DEFB107A: variants seen among roughly 807,000 people sequenced by gnomAD.
DEFB107A encodes beta-defensin 107.
intron 1 of DEFB107A, among the ~76,000 whole-genome samples, chr8:7,814,852 C>A (rs1817176260): frequency 1.6e-5 from 1 of 61,516 alleles, no homozygotes; most frequent in Non-Finnish European, 3.0e-5. Flanking sequence ...TTAATTTAGA[C>A]TACAAAGGCT....
chr8:7,815,128 G>C (rs1817185235), intron 1 of DEFB107A, among the ~76,000 whole-genome samples: 1 of 60,996 alleles, frequency 1.6e-5, no homozygotes, highest in Non-Finnish European at 3.3e-5. Context: ...GGTGCGTGTA[G>C]TCCCAGCTAC....
At chr8:7,813,261 G>A (rs2128921017) in intron 1 of DEFB107A, among the ~76,000 whole-genome samples, 1 of 137,296 alleles carries the variant, frequency 7.3e-6, no homozygotes, top group African/African-American at 2.5e-5. Flanking sequence ...TGAAAAAGGA[G>A]TGGAATGATG....
chr8:7,813,149 TC>T (rs913217927), intron 1 of DEFB107A, among the ~76,000 whole-genome samples: 8 of 111,402 alleles, frequency 7.2e-5, no homozygotes, highest in African/African-American at 2.1e-4. Flanking sequence ...AGACTTTTAG[TC>T]ATAGAACCTC....
At chr8:7,813,664 T>C (rs1189813520) in intron 1 of DEFB107A, among the ~76,000 whole-genome samples, 1 of 151,842 alleles carries the variant, frequency 6.6e-6, no homozygotes, top group African/African-American at 2.4e-5. Flanking sequence ...CAAACTCATA[T>C]AAGTTTGGCC....
At chr8:7,815,018 A>C (rs1238826214) in intron 1 of DEFB107A, among the ~76,000 whole-genome samples, 1,461 of 8,986 alleles carry the variant, frequency 0.16, 85 homozygotes, top group Middle Eastern at 0.5. Flanking sequence ...GAGGCCGAGG[A>C]GGGCGGATCA....
intron 1 of DEFB107A, among the ~76,000 whole-genome samples, chr8:7,813,146 T>TAAA (rs1817126764): frequency 9.0e-6 from 1 of 110,932 alleles, no homozygotes; most frequent in Non-Finnish European, 2.1e-5. Flanking sequence ...TTCAGACTTT[T>TAAA]AGTCATAGAA....
intron 1 of DEFB107A, among the ~76,000 whole-genome samples, chr8:7,812,932 CAT>C (rs1817118449): frequency 7.1e-6 from 1 of 140,550 alleles, no homozygotes; most frequent in South Asian, 2.4e-4. Context: ...CACGCACACA[CAT>C]ACACACACAC....
intron 1 of DEFB107A, among the ~76,000 whole-genome samples, chr8:7,813,619 G>A (rs1430798011): frequency 4.6e-5 from 7 of 152,004 alleles, no homozygotes; most frequent in African/African-American, 1.7e-4. Flanking sequence ...TAAAACACAG[G>A]GTGCATACAG....
At chr8:7,813,581 T>A (rs563223060) in intron 1 of DEFB107A, among the ~76,000 whole-genome samples, 257 of 152,072 alleles carry the variant, frequency 1.7e-3, no homozygotes, top group African/African-American at 5.8e-3. Context: ...AACAATGCTA[T>A]TATTATTATC....
At chr8:7,813,202 G>C (rs1446930217) in intron 1 of DEFB107A, among the ~76,000 whole-genome samples, 2 of 125,234 alleles carry the variant, frequency 1.6e-5, no homozygotes, top group Non-Finnish European at 3.6e-5. Flanking sequence ...ATTCACATCA[G>C]CTCCTAGCTT....
chr8:7,812,952 C>CACATAT (rs772424755), intron 1 of DEFB107A, among the ~76,000 whole-genome samples: 2 of 149,118 alleles, frequency 1.3e-5, no homozygotes, highest in South Asian at 4.3e-4. Flanking sequence ...CACACACACA[C>CACATAT]ATATATATAT....
At chr8:7,813,782 A>G (rs1817149191) in intron 1 of DEFB107A, among the ~76,000 whole-genome samples, 1 of 151,796 alleles carries the variant, frequency 6.6e-6, no homozygotes, top group Non-Finnish European at 1.5e-5. Flanking sequence ...TGCCCAAACT[A>G]TGCTTATTAT....
At chr8:7,812,883 A>G (rs1327453457) in intron 1 of DEFB107A, among the ~76,000 whole-genome samples, 1 of 136,244 alleles carries the variant, frequency 7.3e-6, no homozygotes, top group African/African-American at 2.5e-5. Context: ...CAGATCACTT[A>G]AATTTATCAG....
intron 1 of DEFB107A, among the ~76,000 whole-genome samples, chr8:7,813,844 A>T: frequency 6.6e-6 from 1 of 150,852 alleles, no homozygotes; most frequent in Non-Finnish European, 1.5e-5. Flanking sequence ...GCTATTAGGC[A>T]TCCACATCTA....
At chr8:7,813,932 A>G in intron 1 of DEFB107A, among the ~76,000 whole-genome samples, 1 of 144,002 alleles carries the variant, frequency 6.9e-6, no homozygotes, top group Non-Finnish European at 1.5e-5. Flanking sequence ...TCTATTCTGG[A>G]GCATTGTCTG....
At chr8:7,813,324 G>C (rs376215472) in intron 1 of DEFB107A, among the ~76,000 whole-genome samples, 6,942 of 119,396 alleles carry the variant, frequency 0.058, 1 homozygote, top group East Asian at 0.13. Flanking sequence ...AACCCTGCCT[G>C]TTAGAATATC....
intron 1 of DEFB107A, among the ~76,000 whole-genome samples, chr8:7,813,018 TAGA>T (rs1817122944): frequency 6.6e-6 from 1 of 151,172 alleles, no homozygotes; most frequent in Non-Finnish European, 1.5e-5. Flanking sequence ...AAAAAATAAG[TAGA>T]AGAACAAATG....
intron 1 of DEFB107A, among the ~76,000 whole-genome samples, chr8:7,812,921 A>ACG (rs1263248784): frequency 4.5e-5 from 6 of 134,778 alleles, no homozygotes; most frequent in African/African-American, 5.1e-5. Flanking sequence ...TGAGACACAC[A>ACG]CACGCACACA....
At chr8:7,812,520 G>C (rs1817105126) in intron 1 of DEFB107A, among the ~76,000 whole-genome samples, 1 of 134,022 alleles carries the variant, frequency 7.5e-6, no homozygotes, top group East Asian at 2.1e-4. Context: ...CAAATTTAGA[G>C]AGACACAGGC....
Sources: allele counts gnomAD v4.1 joint callset (sites outside exome capture counted in the v4.1 genomes callset), GRCh38; gene constraint gnomAD v4.1.1; transcripts MANE v1.5; gene names NCBI Gene and HGNC (gene_info 2026-07-23, HGNC 2026-07-21).